GPHN: variants seen among roughly 807,000 people sequenced by gnomAD.
GPHN encodes the protein gephyrin.
GPHN carries 17 observed loss-of-function variants against 95.5 expected under a neutral mutation model. The observed-to-expected ratio is 0.18, with a 90% CI of 0.12 to 0.27. GPHN has a LOEUF of 0.27. Ranked by LOEUF, GPHN falls within the 10% of genes least tolerant of loss-of-function variation. The pLI, the probability that GPHN is intolerant of heterozygous loss-of-function variation, is 1.00. For synonymous variants in GPHN, 320 were observed against 322.5 expected (o/e 0.99, Z 0.08); for missense variants, 660 against 978.1 (o/e 0.67, Z 4.34).
At chr14:67,666,908 C>T in the GPHN span, among the ~76,000 whole-genome samples, 1 of 152,182 alleles carries the variant, frequency 6.6e-6, no homozygotes, top group East Asian at 1.9e-4. Flanking sequence ...CTGGTAAAAT[C>T]TGTTGAAAAA....
intron 4 of GPHN, among the ~76,000 whole-genome samples, chr14:66,849,612 A>G (rs1731764292): frequency 6.6e-6 from 1 of 151,966 alleles, no homozygotes; most frequent in South Asian, 2.1e-4. Flanking sequence ...AATCTTACCA[A>G]TCTGGTAGGT....
At chr14:67,612,885 C>T in the GPHN span, among the ~76,000 whole-genome samples, 32 of 151,674 alleles carry the variant, frequency 2.1e-4, no homozygotes, top group Admixed American at 2.0e-3. Flanking sequence ...GTGGAGGTCA[C>T]AGTGAGCCGA....
At chr14:67,410,457 C>T in the GPHN span, among the ~76,000 whole-genome samples, 1 of 151,726 alleles carries the variant, frequency 6.6e-6, no homozygotes. Context: ...GTCTGAGGTG[C>T]AGCCACCTCC....
chr14:66,843,591 T>A (rs1454977358), intron 4 of GPHN, among the ~76,000 whole-genome samples: 1 of 152,212 alleles, frequency 6.6e-6, no homozygotes, highest in East Asian at 1.9e-4. Flanking sequence ...TGTTGCCTCC[T>A]TTACAGTTTG....
chr14:66,701,257 C>CT (rs5809320), intron 2 of GPHN, among the ~76,000 whole-genome samples: 35,810 of 151,934 alleles, frequency 0.24, 8,288 homozygotes, highest in African/African-American at 0.56. Flanking sequence ...GCATATTTCT[C>CT]TTTTTTTTAC....
At chr14:67,659,866 C>A in the GPHN span, 1 of 1,614,058 alleles carries the variant, frequency 6.2e-7, no homozygotes, top group East Asian at 2.2e-5. Context: ...GCTTAGACAT[C>A]ATGGGGTTTC....
At chr14:67,473,347 G>T in the GPHN span, 1 of 1,561,880 alleles carries the variant, frequency 6.4e-7, no homozygotes. This position sits in a 1 kb window ranked among gnomAD's most constrained non-coding sequence, Gnocchi z 6.5. Context: ...CATGGATGGG[G>T]CAACCTCACC....
chr14:67,710,965 T>C, the GPHN span, among the ~76,000 whole-genome samples: 4 of 152,226 alleles, frequency 2.6e-5, no homozygotes. Flanking sequence ...TGCAAAATTA[T>C]AACTGAGACA....
At chr14:67,513,904 G>T in the GPHN span, among the ~76,000 whole-genome samples, 1 of 152,164 alleles carries the variant, frequency 6.6e-6, no homozygotes, top group African/African-American at 2.4e-5. Flanking sequence ...CAAGCACTGG[G>T]GACCTGGAAC....
chr14:66,913,561 T>G (rs975827584), intron 5 of GPHN, among the ~76,000 whole-genome samples: 2 of 152,132 alleles, frequency 1.3e-5, no homozygotes, highest in African/African-American at 4.8e-5. Context: ...CAGGCTGGTC[T>G]CGAACTCTGA....
the GPHN span, chr14:67,600,403 GA>G: frequency 1.9e-6 from 1 of 536,752 alleles, no homozygotes; most frequent in Non-Finnish European, 3.2e-6. Flanking sequence ...GACTGTCTTC[GA>G]AAAAACCTCG....
the GPHN span, among the ~76,000 whole-genome samples, chr14:67,350,304 G>GA: frequency 9.8e-3 from 1,440 of 147,478 alleles, 23 homozygotes; most frequent in African/African-American, 0.033. Flanking sequence ...AGCATTAGGA[G>GA]AAAAAAAAAA....
At chr14:66,597,018 A>G (rs1259587612) in intron 1 of GPHN, among the ~76,000 whole-genome samples, 5 of 152,182 alleles carry the variant, frequency 3.3e-5, no homozygotes, top group African/African-American at 4.8e-5. Flanking sequence ...GATAGGGACA[A>G]TGACTGCTCT....
In GPHN at chr14:67,125,223, G is replaced by A. The variant is rs1409053766; in HGVS notation, c.1748+2846G>A. On this transcript the variant is annotated intron_variant, in intron 17 of 22. Coordinates refer to ENST00000478722, the MANE Select transcript of GPHN (RefSeq NM_020806.5). ...ATGGTGTAGAATGCAGAGGTGGAATGTGGGAGGAAAGAATTTATAATTGTT... is the reference window on the plus strand; with the variant it reads ...ATGGTGTAGAATGCAGAGGTGGAATATGGGAGGAAAGAATTTATAATTGTT... Among the ~76,000 whole-genome samples the A allele has an allele frequency of 3.3e-5, 5 of 152,268 alleles. No homozygotes were observed. The East Asian group carries it at 9.7e-4, about 29-fold the overall frequency.
the GPHN span, among the ~76,000 whole-genome samples, chr14:67,627,256 G>GATATATATATATATATATATATAT: frequency 1.2e-3 from 160 of 133,668 alleles, 2 homozygotes; most frequent in African/African-American, 3.9e-3. Context: ...TCAGTAAGGA[G>GATATATATATATATATATATATAT]ATATATATAT....
the GPHN span, among the ~76,000 whole-genome samples, chr14:67,357,615 T>C: frequency 0.081 from 12,411 of 152,308 alleles, 1,202 homozygotes; most frequent in African/African-American, 0.23. Flanking sequence ...CTGTCAAAGA[T>C]AAACCCAGCC....
At chr14:67,639,433 T>C in the GPHN span, among the ~76,000 whole-genome samples, 1 of 152,216 alleles carries the variant, frequency 6.6e-6, no homozygotes, top group African/African-American at 2.4e-5. Context: ...GACTATTCCT[T>C]AGAGTGCAAT....
the GPHN span, among the ~76,000 whole-genome samples, chr14:67,365,215 T>A: frequency 6.6e-6 from 1 of 152,222 alleles, no homozygotes; most frequent in Non-Finnish European, 1.5e-5. Flanking sequence ...CATCCTAGGA[T>A]TTTATGGATC....
chr14:66,751,460 T>G (rs2058359525), intron 2 of GPHN, among the ~76,000 whole-genome samples: 1 of 152,036 alleles, frequency 6.6e-6, no homozygotes, highest in African/African-American at 2.4e-5. Context: ...AGCTTTTGTT[T>G]ATATGCTTGT....
Sources: gnomAD v4.1 joint callset for allele counts (sites outside exome capture counted in the v4.1 genomes callset) on GRCh38, gnomAD v4.1.1 for gene constraint, Gnocchi (gnomAD v3.1) non-coding constraint, MANE v1.5 for transcripts, NCBI Gene and HGNC (gene_info 2026-07-23, HGNC 2026-07-21) for gene names.